MAPK8IP3: variants seen among roughly 807,000 people sequenced by gnomAD.
The protein encoded by MAPK8IP3 is mitogen-activated protein kinase 8 interacting protein 3.
Under a neutral mutation model 157.8 loss-of-function variants are expected in MAPK8IP3, and 49 were observed. The observed-to-expected ratio is 0.31, with a 90% CI of 0.25 to 0.39. MAPK8IP3 has a LOEUF of 0.39. Ranked by LOEUF, MAPK8IP3 falls within the 10% of genes least tolerant of loss-of-function variation. MAPK8IP3 has a pLI of 1.00. For missense variants in MAPK8IP3, 1,478 were observed against 1,889.4 expected, an observed-to-expected ratio of 0.78 and a Z score of 4.04; for synonymous variants, 897 against 777.7, an observed-to-expected ratio of 1.15 and a Z score of -2.55.
rs775180761 is a variant in MAPK8IP3 at position 1,762,496 on chromosome 16, C to T, written c.1670+15C>T. On this transcript the variant is annotated intron_variant, in intron 14 of 31. Coordinates refer to ENST00000610761, the MANE Select transcript of MAPK8IP3 (RefSeq NM_001318852.2). Reference sequence around the variant, plus strand: ...GAGATGATCAGGTGGGAGTTGCGGCCACCCCAGGAGGGGCTGCGGGATCAT... The same window carrying T: ...GAGATGATCAGGTGGGAGTTGCGGCTACCCCAGGAGGGGCTGCGGGATCAT... The T allele has an allele frequency of 6.2e-7, 1 of 1,611,470 alleles. No individual in the cohort carries two copies. Among genetic ancestry groups the T allele is most frequent in the South Asian group, 1.1e-5 (1 of 90,818 alleles).
In MAPK8IP3 at chr16:1,760,462, T is replaced by C. The variant is rs1183224084; in HGVS notation, c.1387T>C (p.Leu463=). Residue 463 remains leucine, a synonymous_variant, in exon 12 of 32, where the codon TTG becomes CTG. Transcript: ENST00000610761. ...SGEQEVLRGE[L]EAAKQAKVKL... is the part of the protein sequence containing the mutation. ...GGAGCAGGAGGTGCTGAGGGGCGAG[T>C]TGGAGGCTGCTAAGCAGGCCAAAGT... is the stretch of plus-strand genomic sequence containing the variant. 3 of 1,613,226 alleles carry C rather than the reference T, an allele frequency of 1.9e-6. No individual in the cohort carries two copies. Among genetic ancestry groups the C allele is most frequent in the Admixed American group, 3.3e-5 (2 of 59,922 alleles).
rs1242041196 is a variant in MAPK8IP3, at chr16:1,768,752, G to A, written c.3942G>A (p.Gln1314=). The A allele has an allele frequency of 6.2e-7, 1 of 1,612,690 alleles. No individual in the cohort carries two copies. The highest frequency in any genetic ancestry group is 1.7e-5 in the Admixed American group (1 of 59,998). ...AGGAGGGCGCAGGGGACATGAGCCA[G>A]GTGAAGCCCGTGCTGTCCAAGGCAG... is the stretch of plus-strand genomic sequence containing the variant. ...ETEEGAGDMS[Q]VKPVLSKAER... The change falls in exon 32 of 32, where the codon CAG becomes CAA. Residue 1314 remains glutamine, a synonymous_variant. Coordinates refer to ENST00000610761, the MANE Select transcript of MAPK8IP3 (RefSeq NM_001318852.2).
intron 5 of MAPK8IP3, 123 bp from the exon 6 acceptor site, chr16:1,746,906 G>T: frequency 1.6e-6 from 2 of 1,229,368 alleles, no homozygotes; most frequent in Non-Finnish European, 2.2e-6. Flanking sequence ...GCTCTGGCCC[G>T]CAGGGTGTCG....
In MAPK8IP3 at chr16:1,764,418, G is replaced by A. The variant is rs202007860; in HGVS notation, c.2239G>A (p.Gly747Ser). ...CCTGACCTGCGACCGCGAAGGAGAC[G>A]GCGAGCCCAAGAGCGCCCACACGTC... Reference protein sequence around the residue: ...DPLTCDREGDGEPKSAHTSPE... With the variant: ...DPLTCDREGDSEPKSAHTSPE... The change falls in exon 19 of 32, where the codon GGC (glycine) becomes AGC (serine). Residue 747 changes from glycine to serine, a missense_variant. This residue lies in a region of MAPK8IP3 where 669 missense variants were observed against 759.8 expected (regional missense o/e 0.88). Transcript: ENST00000610761. 6.2e-7 allele frequency: 1 copy of A among 1,606,346 alleles called. No individual in the cohort carries two copies. Among genetic ancestry groups the A allele is most frequent in the Non-Finnish European group, 8.5e-7 (1 of 1,177,984 alleles).
chr16:1,718,635 A>C (rs1344797064), intron 1 of MAPK8IP3, among the ~76,000 whole-genome samples: 1 of 151,896 alleles, frequency 6.6e-6, no homozygotes, highest in Non-Finnish European at 1.5e-5. Context: ...CTCTACTAAG[A>C]ATACAAAAAT....
chr16:1,721,645 T>C (rs985178428), intron 1 of MAPK8IP3, among the ~76,000 whole-genome samples: 1 of 152,208 alleles, frequency 6.6e-6, no homozygotes, highest in Non-Finnish European at 1.5e-5. Context: ...GAGACGGAAT[T>C]TCACCATGTT....
At chr16:1,737,673 CG>C (rs1157280986) in intron 4 of MAPK8IP3, among the ~76,000 whole-genome samples, 1 of 48,450 alleles carries the variant, frequency 2.1e-5, no homozygotes, top group Non-Finnish European at 3.7e-5. Context: ...TCCGTGTGAG[CG>C]TGTGACCGTC....
intron 20 of MAPK8IP3, among the ~76,000 whole-genome samples, chr16:1,765,661 G>A (rs2042214481): frequency 6.6e-6 from 1 of 152,204 alleles, no homozygotes; most frequent in Non-Finnish European, 1.5e-5. Context: ...GAAACCACAG[G>A]GCCGTCTGGG....
At chr16:1,711,026 C>T (rs986285445) in intron 1 of MAPK8IP3, among the ~76,000 whole-genome samples, 4 of 152,252 alleles carry the variant, frequency 2.6e-5, no homozygotes, top group Non-Finnish European at 4.4e-5. Flanking sequence ...TCTGCCGCTC[C>T]GCTGCGGGAG....
At chr16:1,727,352 C>T (rs2038954341) in intron 2 of MAPK8IP3, among the ~76,000 whole-genome samples, 1 of 151,746 alleles carries the variant, frequency 6.6e-6, no homozygotes. Flanking sequence ...GTGCTGTGTG[C>T]AGCGTCTGTG....
chr16:1,738,642 GTCCGTGTGAGTGTGACCA>G (rs1567170508), intron 4 of MAPK8IP3, among the ~76,000 whole-genome samples: 1 of 115,722 alleles, frequency 8.6e-6, no homozygotes, highest in African/African-American at 3.4e-5. Context: ...GCGTGTGAGC[GTCCGTGTGAGTGTGACCA>G]TCCATGTGAG....
rs1342629006 is a variant in MAPK8IP3 at position 1,762,600 on chromosome 16, G to A, written c.1671-75G>A. The A allele has an allele frequency of 4.5e-6, 7 of 1,548,580 alleles. No homozygotes were observed. In the African/African-American group the frequency reaches 6.8e-5, roughly 15 times the overall value. On this transcript the variant is annotated intron_variant, in intron 14 of 31. Coordinates refer to ENST00000610761, the MANE Select transcript of MAPK8IP3 (RefSeq NM_001318852.2). ...GACTGAAGTGCGCTGGGTGCTTCCT[G>A]GCGGGAGCCAGAGAGTCGCAGGTAA...
chr16:1,761,543 G>A (rs1265323668), intron 13 of MAPK8IP3, among the ~76,000 whole-genome samples: 3 of 146,250 alleles, frequency 2.1e-5, no homozygotes, highest in Admixed American at 6.7e-5. Context: ...AGGCAGGGCG[G>A]CCGCCATTCA....
intron 8 of MAPK8IP3, chr16:1,752,552 G>C: frequency 3.0e-6 from 1 of 331,108 alleles, no homozygotes; most frequent in South Asian, 2.2e-5. Flanking sequence ...AGACCAGCCT[G>C]GTCAACATAG....
chr16:1,727,729 C>T (rs770605648), intron 2 of MAPK8IP3, among the ~76,000 whole-genome samples: 12 of 152,182 alleles, frequency 7.9e-5, no homozygotes, highest in Admixed American at 3.3e-4. Context: ...TGCTGCTCCT[C>T]GGGGTGAGAT....
chr16:1,755,157 C>T lies in MAPK8IP3; in HGVS notation c.1217-2991C>T, dbSNP rs1248542037. The stretch of plus-strand genomic sequence containing the variant: ...CAAACCTGTGATACGAGCTCATGAG[C>T]TCAGGGCCAAGAGCCAAGACAGACC... On this transcript the variant is annotated intron_variant, in intron 8 of 31. Coordinates refer to ENST00000610761, the MANE Select transcript of MAPK8IP3 (RefSeq NM_001318852.2). Among the ~76,000 whole-genome samples, 8 of 152,184 alleles carry T rather than the reference C, an allele frequency of 5.3e-5. No homozygotes were observed. In the East Asian group the frequency reaches 1.3e-3, roughly 26 times the overall value.
At position 1,766,334 on chromosome 16, in the gene MAPK8IP3, T is replaced by G. The variant is rs761741039; in HGVS notation, c.2744T>G (p.Leu915Trp). The G allele has an allele frequency of 6.2e-7, 1 of 1,612,648 alleles. No homozygotes were observed. The highest frequency in any genetic ancestry group is 2.2e-5 in the East Asian group (1 of 44,860). The change falls in exon 22 of 32, where the codon TTG (leucine) becomes TGG (tryptophan). Residue 915 changes from leucine to tryptophan, a missense_variant. This residue lies in a region of MAPK8IP3 where 669 missense variants were observed against 759.8 expected (regional missense o/e 0.88). Coordinates refer to ENST00000610761, the MANE Select transcript of MAPK8IP3 (RefSeq NM_001318852.2). ...PGPSEPETAT[L>W]RPGPLTEHVF... Reference sequence around the variant, plus strand: ...CCCAGCGAGCCAGAGACAGCCACATTGCGGCCCGGGCCTCTCACAGAGCAC... The same window carrying G: ...CCCAGCGAGCCAGAGACAGCCACATGGCGGCCCGGGCCTCTCACAGAGCAC...
At chr16:1,750,521 A>G (rs1286869520) in intron 8 of MAPK8IP3, among the ~76,000 whole-genome samples, 1 of 151,622 alleles carries the variant, frequency 6.6e-6, no homozygotes, top group African/African-American at 2.4e-5. Flanking sequence ...CCGATAATGT[A>G]TATTTTTTAG....
rs1397782269 is a variant in MAPK8IP3 at position 1,752,585 on chromosome 16, A to G, written c.1216+3865A>G. The G allele has an allele frequency of 1.4e-5, 4 of 284,798 alleles. No individual in the cohort carries two copies. In the Admixed American group the frequency reaches 1.9e-4, roughly 14 times the overall value. The allele number at this position is 284,798 out of a possible 1,614,324, so 17.6% of individuals were successfully genotyped here. On this transcript the variant is annotated intron_variant, in intron 8 of 31. Transcript: ENST00000610761. ...TAGCGAGACCCCATCTCTACAAAAC[A>G]TTTTATAAAAAAATTAGGCAGGCAT...
Sources: gnomAD v4.1 joint callset for allele counts (sites outside exome capture counted in the v4.1 genomes callset) on GRCh38, gnomAD v4.1.1 for gene constraint, gnomAD v4.1.1 regional missense constraint, MANE v1.5 for transcripts, NCBI Gene and HGNC (gene_info 2026-07-23, HGNC 2026-07-21) for gene names.